Variants in SLC1A2 observed in about 807,000 individuals in gnomAD.
SLC1A2 encodes the protein excitatory amino acid transporter 2.
In SLC1A2, 15 loss-of-function variants were observed where a neutral mutation model predicts 48.8. That is an observed-to-expected ratio of 0.31 (90% CI 0.21 to 0.47). SLC1A2 has a LOEUF of 0.47. SLC1A2 is among the 20% of genes least tolerant of loss of function. The pLI, the probability that SLC1A2 is intolerant of heterozygous loss-of-function variation, is 0.99. For missense variants in SLC1A2, 502 were observed against 730.5 expected (o/e 0.69, Z 3.61); for synonymous variants, 279 against 272.6 (o/e 1.02, Z -0.23).
intron 1 of SLC1A2, among the ~76,000 whole-genome samples, chr11:35,367,610 A>G (rs2135152604): frequency 6.6e-6 from 1 of 152,302 alleles, no homozygotes; most frequent in South Asian, 2.1e-4. Flanking sequence ...CTATTAAGAG[A>G]TCAGAAGAGA....
chr11:35,375,913 A>T (rs770334165), intron 1 of SLC1A2, among the ~76,000 whole-genome samples: 43 of 152,252 alleles, frequency 2.8e-4, no homozygotes, highest in Non-Finnish European at 5.6e-4. Context: ...ATCAAGGCAC[A>T]GAGAAGTCAA....
intron 5 of SLC1A2, among the ~76,000 whole-genome samples, chr11:35,302,242 G>A (rs1851376944): frequency 6.6e-6 from 1 of 152,034 alleles, no homozygotes; most frequent in South Asian, 2.1e-4. Context: ...AAACAATAAG[G>A]AATCCGAAAT....
At chr11:35,311,895 AGG>A (rs375032970) in intron 4 of SLC1A2, among the ~76,000 whole-genome samples, 589 of 50,666 alleles carry the variant, frequency 0.012, 7 homozygotes, top group East Asian at 0.072. Context: ...AGAGAGAGGG[AGG>A]GAGAGAGAGA....
At chr11:35,378,276 T>G (rs1050466275) in intron 1 of SLC1A2, among the ~76,000 whole-genome samples, 1 of 152,236 alleles carries the variant, frequency 6.6e-6, no homozygotes, top group Non-Finnish European at 1.5e-5. Context: ...AAGCATTACT[T>G]TAGGGACTGA....
intron 1 of SLC1A2, among the ~76,000 whole-genome samples, chr11:35,395,319 C>A (rs1028327232): frequency 7.9e-5 from 12 of 151,850 alleles, no homozygotes; most frequent in Admixed American, 7.9e-4. Context: ...TCTCTCTCTC[C>A]CTCTCTTTTT....
chr11:35,415,195 C>A (rs1855571066), intron 1 of SLC1A2, among the ~76,000 whole-genome samples: 1 of 152,082 alleles, frequency 6.6e-6, no homozygotes, highest in Non-Finnish European at 1.5e-5. Flanking sequence ...AAGCCAAAGC[C>A]AAAGGAGACA....
intron 1 of SLC1A2, among the ~76,000 whole-genome samples, chr11:35,341,280 C>A (rs1852831730): frequency 6.6e-6 from 1 of 152,068 alleles, no homozygotes; most frequent in Non-Finnish European, 1.5e-5. Context: ...GGAAAGTGAA[C>A]TTGGGTTGGC....
intron 1 of SLC1A2, among the ~76,000 whole-genome samples, chr11:35,334,706 A>G (rs1011519746): frequency 4.0e-5 from 6 of 151,394 alleles, no homozygotes; most frequent in Admixed American, 3.3e-4. Context: ...GCAATGCTCA[A>G]ATGCTGAGAC....
At chr11:35,317,273 C>T in intron 2 of SLC1A2, 104 bp downstream of exon 2, 1 of 1,326,272 alleles carries the variant, frequency 7.5e-7, no homozygotes. Context: ...AACCACGTGG[C>T]TTCCTTTCTG....
intron 3 of SLC1A2, among the ~76,000 whole-genome samples, chr11:35,313,409 G>A (rs1466075525): frequency 6.6e-6 from 1 of 152,212 alleles, no homozygotes; most frequent in African/African-American, 2.4e-5. Flanking sequence ...AGGGAGGTTA[G>A]AGGAAATTCC....
chr11:35,390,402 A>AT (rs1007834304), intron 1 of SLC1A2, among the ~76,000 whole-genome samples: 12 of 151,984 alleles, frequency 7.9e-5, no homozygotes, highest in African/African-American at 1.2e-4. Flanking sequence ...TTAAAATTTG[A>AT]TTTTTTTTAA....
At chr11:35,376,875 C>T (rs753100191) in intron 1 of SLC1A2, among the ~76,000 whole-genome samples, 18 of 152,228 alleles carry the variant, frequency 1.2e-4, no homozygotes, top group Middle Eastern at 3.4e-3. Context: ...GACAAATTTC[C>T]TCAACCCCTG....
rs567793855 is a variant in SLC1A2 at position 35,356,982 on chromosome 11, C to T, written c.18-39466G>A. Reference sequence around the variant, plus strand: ...TTAGGCTGGGCATGGTGGCTCACGCCTGTAATCCCAGCACGCTGGGAGGTC... The same window carrying T: ...TTAGGCTGGGCATGGTGGCTCACGCTTGTAATCCCAGCACGCTGGGAGGTC... On this transcript the variant is annotated intron_variant, in intron 1 of 10. Transcript: ENST00000278379. Among the ~76,000 whole-genome samples, 10 of 152,250 alleles carry T rather than the reference C, an allele frequency of 6.6e-5. No homozygotes were observed. In the East Asian group the frequency reaches 1.9e-3, roughly 29 times the overall value.
chr11:35,359,822 G>A (rs1565274076), intron 1 of SLC1A2, among the ~76,000 whole-genome samples: 1 of 152,198 alleles, frequency 6.6e-6, no homozygotes, highest in Non-Finnish European at 1.5e-5. Context: ...GAGCCTCAAT[G>A]TTCCTAAGGA....
chr11:35,392,444 G>A (rs1202372392), intron 1 of SLC1A2: 1 of 152,234 alleles, frequency 6.6e-6, no homozygotes, highest in Non-Finnish European at 1.5e-5. Context: ...ACCAGGAGTA[G>A]GCGGAGGAAG....
At chr11:35,367,397 C>G (rs1206244821) in intron 1 of SLC1A2, among the ~76,000 whole-genome samples, 1 of 152,152 alleles carries the variant, frequency 6.6e-6, no homozygotes, top group Admixed American at 6.5e-5. Context: ...TGCATCTGGA[C>G]CCTCATGTGT....
intron 1 of SLC1A2, among the ~76,000 whole-genome samples, chr11:35,375,455 G>T (rs905419260): frequency 1.3e-5 from 2 of 152,212 alleles, no homozygotes; most frequent in Non-Finnish European, 2.9e-5. Context: ...TAGAAGAAGC[G>T]GGCCTGGGGC....
chr11:35,320,559 A>G (rs750026962), intron 1 of SLC1A2, among the ~76,000 whole-genome samples: 3 of 152,248 alleles, frequency 2.0e-5, no homozygotes, highest in Non-Finnish European at 2.9e-5. Context: ...ATTCTCCACC[A>G]GTCTATGAGC....
At chr11:35,386,481 A>C (rs1336690414) in intron 1 of SLC1A2, among the ~76,000 whole-genome samples, 1 of 152,238 alleles carries the variant, frequency 6.6e-6, no homozygotes, top group Non-Finnish European at 1.5e-5. Flanking sequence ...TGCCGATGAA[A>C]AGGCATCAAT....
Sources: gnomAD v4.1 joint callset for allele counts (sites outside exome capture counted in the v4.1 genomes callset) on GRCh38, gnomAD v4.1.1 for gene constraint, MANE v1.5 for transcripts, NCBI Gene and HGNC (gene_info 2026-07-23, HGNC 2026-07-21) for gene names.